ARHGEF6: variants seen among roughly 807,000 people sequenced by gnomAD.
ARHGEF6 encodes the protein Rac/Cdc42 guanine nucleotide exchange factor 6.
A neutral mutation model predicts 70.3 loss-of-function variants in ARHGEF6; 9 were observed. The observed-to-expected ratio is 0.13, with a 90% CI of 0.08 to 0.22. The LOEUF (loss-of-function observed/expected upper bound fraction) is 0.22, where lower values mean the gene tolerates loss of function less well. ARHGEF6 is among the 10% of genes least tolerant of loss of function. The pLI, the probability that ARHGEF6 is intolerant of heterozygous loss-of-function variation, is 1.00. For synonymous variants in ARHGEF6, 201 were observed against 207.8 expected, an observed-to-expected ratio of 0.97 and a Z score of 0.28; for missense variants, 470 against 563.0, an observed-to-expected ratio of 0.83 and a Z score of 1.67.
chrX:136,714,303 C>T (rs764285470), intron 6 of ARHGEF6, among the ~76,000 whole-genome samples: 2 of 111,443 alleles, frequency 1.8e-5, no homozygotes, highest in East Asian at 2.8e-4. Flanking sequence ...ATGTAAATGA[C>T]GGGTTGATGG....
chrX:136,717,932 A>G (rs780666090), intron 6 of ARHGEF6, among the ~76,000 whole-genome samples: 2 of 111,972 alleles, frequency 1.8e-5, no homozygotes, highest in South Asian at 3.6e-4. Context: ...AAAGCAAAAA[A>G]ATGTGGAAGA....
intron 6 of ARHGEF6, among the ~76,000 whole-genome samples, chrX:136,731,891 G>C (rs1324272437): frequency 8.9e-6 from 1 of 111,985 alleles, no homozygotes; most frequent in African/African-American, 3.2e-5. Context: ...TGCTACCTTT[G>C]AATTTTTCAG....
chrX:136,677,642 T>C (rs1264835729), intron 17 of ARHGEF6, among the ~76,000 whole-genome samples: 1 of 111,086 alleles, frequency 9.0e-6, no homozygotes, highest in Non-Finnish European at 1.9e-5. Context: ...GTACTTACAC[T>C]TGAAAACAAG....
intron 9 of ARHGEF6, among the ~76,000 whole-genome samples, chrX:136,694,486 T>C (rs1389474700): frequency 8.9e-6 from 1 of 111,923 alleles, no homozygotes; most frequent in East Asian, 2.8e-4. Context: ...ACACAACTTT[T>C]TGGGGGGTTT....
chrX:136,695,955 AAAG>A (rs1401260283), intron 9 of ARHGEF6, among the ~76,000 whole-genome samples: 1 of 111,685 alleles, frequency 9.0e-6, no homozygotes, highest in African/African-American at 3.3e-5. Flanking sequence ...TTTTTCCTAA[AAAG>A]AAACTAGTAG....
chrX:136,775,609 T>C (rs2077398272), intron 2 of ARHGEF6, among the ~76,000 whole-genome samples: 2 of 111,648 alleles, frequency 1.8e-5, no homozygotes, highest in South Asian at 3.8e-4. Context: ...AGGGAAAAGA[T>C]GAAAACATTC....
intron 6 of ARHGEF6, among the ~76,000 whole-genome samples, chrX:136,724,137 T>C (rs948146077): frequency 2.8e-5 from 3 of 107,743 alleles, no homozygotes; most frequent in African/African-American, 1.0e-4. Flanking sequence ...TGGAGTGCAG[T>C]GGCACAATCT....
At chrX:136,758,311 A>C (rs1255290961) in intron 2 of ARHGEF6, among the ~76,000 whole-genome samples, 1 of 109,906 alleles carries the variant, frequency 9.1e-6, no homozygotes, top group African/African-American at 3.3e-5. Context: ...TCGGCCTCCG[A>C]AAGTGCTGGG....
chrX:136,671,897 G>A lies in ARHGEF6; in HGVS notation c.2135+123C>T, dbSNP rs112145335. The A allele has an allele frequency of 9.0e-4, 525 of 584,967 alleles. 3 individuals carry two copies. The African/African-American group carries it at 0.011, about 12-fold the overall frequency. 48.2% of individuals were successfully genotyped at this position (584,967 alleles called of 1,213,427 possible). On this transcript the variant is annotated intron_variant, in intron 20 of 21. Coordinates refer to ENST00000250617, the MANE Select transcript of ARHGEF6 (RefSeq NM_004840.3). ...TCCCAAATGCATGCACAGCAAAGCA[G>A]GCCGCATTCCCAGGTAAGGAGGAGT... is the stretch of plus-strand genomic sequence containing the variant.
Position 136,675,683 on chromosome X carries a change from T to A in ARHGEF6, c.1946-587A>T, listed in dbSNP as rs995320943. The stretch of plus-strand genomic sequence containing the variant: ...GGCACCCGCCACCACACCCGGCTAA[T>A]TTTTTTTGTATTTTTTTTAGTAGAG... On this transcript the variant is annotated intron_variant, in intron 18 of 21. Transcript: ENST00000250617. Among the ~76,000 whole-genome samples, 3 of 109,031 alleles carry A rather than the reference T, an allele frequency of 2.8e-5. No homozygotes were observed. In the East Asian group the frequency reaches 8.7e-4, roughly 32 times the overall value. The allele number at this position is 109,031 out of a possible 115,157, so 94.7% of individuals were successfully genotyped here. A position where few individuals can be genotyped will look rare whatever the true frequency, so the allele number is the denominator to read the frequency against.
At chrX:136,679,700 T>C (rs750669987) in intron 15 of ARHGEF6, 40 bp from the exon 16 acceptor site, 3 of 1,208,387 alleles carry the variant, frequency 2.5e-6, no homozygotes, top group Admixed American at 4.3e-5. Context: ...ATCTGCCATC[T>C]GAACCCGACC....
At chrX:136,764,893 A>G (rs1200941450) in intron 2 of ARHGEF6, among the ~76,000 whole-genome samples, 3 of 112,286 alleles carry the variant, frequency 2.7e-5, no homozygotes, top group African/African-American at 9.7e-5. Context: ...CAAAATTTGT[A>G]TTTTTAAAAA....
chrX:136,721,876 T>C (rs1018011666), intron 6 of ARHGEF6, among the ~76,000 whole-genome samples: 3 of 111,146 alleles, frequency 2.7e-5, no homozygotes, highest in Non-Finnish European at 5.7e-5. Context: ...ATTGTGACTA[T>C]AGTAAATAAC....
intron 2 of ARHGEF6, among the ~76,000 whole-genome samples, chrX:136,770,651 A>T (rs987225296): frequency 2.7e-5 from 3 of 112,687 alleles, no homozygotes; most frequent in African/African-American, 9.7e-5. Context: ...CTAAAAAACT[A>T]TTCAAACTAA....
intron 5 of ARHGEF6, among the ~76,000 whole-genome samples, chrX:136,738,582 C>T (rs2077011101): frequency 8.9e-6 from 1 of 112,553 alleles, no homozygotes; most frequent in Non-Finnish European, 1.9e-5. Context: ...TATCACTAAA[C>T]TTATCATATT....
At chrX:136,766,373 T>C (rs2077313968) in intron 2 of ARHGEF6, among the ~76,000 whole-genome samples, 1 of 99,904 alleles carries the variant, frequency 1.0e-5, no homozygotes, top group Non-Finnish European at 2.0e-5. Context: ...AAATTTATCC[T>C]ATTTTGTGAG....
At chrX:136,692,274 T>C (rs1358817997) in intron 9 of ARHGEF6, among the ~76,000 whole-genome samples, 1 of 111,891 alleles carries the variant, frequency 8.9e-6, no homozygotes, top group Non-Finnish European at 1.9e-5. Context: ...TACAAAATTA[T>C]AGAGACAGGG....
At chrX:136,745,408 A>G (rs1303600097) in intron 3 of ARHGEF6, 61 bp from the exon 4 acceptor site, 3 of 1,166,537 alleles carry the variant, frequency 2.6e-6, no homozygotes, top group Non-Finnish European at 3.5e-6. Context: ...CATCTACCGC[A>G]TAACATTATC....
intron 6 of ARHGEF6, among the ~76,000 whole-genome samples, chrX:136,713,922 A>G (rs748781232): frequency 8.9e-6 from 1 of 112,420 alleles, no homozygotes; most frequent in Non-Finnish European, 1.9e-5. Flanking sequence ...ACTTAATGTC[A>G]GTATAATTTA....
Sources: allele counts gnomAD v4.1 joint callset (sites outside exome capture counted in the v4.1 genomes callset), GRCh38; gene constraint gnomAD v4.1.1; transcripts MANE v1.5; gene names NCBI Gene and HGNC (gene_info 2026-07-23, HGNC 2026-07-21).